The following LRP1B variants were observed in gnomAD, a reference collection of about 807,000 sequenced individuals.
LRP1B encodes low-density lipoprotein receptor-related protein 1B.
In LRP1B, 217 loss-of-function variants were observed where a neutral mutation model predicts 556.6. That is an observed-to-expected ratio of 0.39 (90% CI 0.35 to 0.44). The LOEUF is 0.44. Among genes scored for constraint, LRP1B ranks in the 20% least tolerant of loss-of-function variants. LRP1B has a pLI of 1.00. For missense variants in LRP1B, 5,053 were observed against 5,620.8 expected (o/e 0.90, Z 3.23); for synonymous variants, 2,047 against 1,865.8 (o/e 1.10, Z -2.50).
chr2:141,831,002 T>C (rs1337996918), intron 1 of LRP1B, among the ~76,000 whole-genome samples: 1 of 151,790 alleles, frequency 6.6e-6, no homozygotes, highest in Non-Finnish European at 1.5e-5. Flanking sequence ...GGAATGAATA[T>C]TAAAAGTTTG....
At chr2:140,807,274 T>C (rs960612850) in intron 32 of LRP1B, among the ~76,000 whole-genome samples, 2 of 152,200 alleles carry the variant, frequency 1.3e-5, no homozygotes, top group African/African-American at 4.8e-5. Context: ...TCGTTTAAAA[T>C]AATGTAGGAA....
intron 7 of LRP1B, among the ~76,000 whole-genome samples, chr2:141,133,781 G>T (rs1194860657): frequency 6.6e-6 from 1 of 151,880 alleles, no homozygotes; most frequent in East Asian, 1.9e-4. Flanking sequence ...TTAAAGAATG[G>T]ATAGATGAAT....
chr2:140,965,589 G>A (rs545517226), intron 18 of LRP1B, among the ~76,000 whole-genome samples: 2 of 151,938 alleles, frequency 1.3e-5, no homozygotes, highest in South Asian at 2.1e-4. Context: ...AAGTTCTAGG[G>A]TACATTTGCA....
chr2:140,335,364 T>C lies in LRP1B; in HGVS notation c.12116+251A>G, dbSNP rs143364609. Among the ~76,000 whole-genome samples, 486 of 151,996 alleles carry C rather than the reference T, an allele frequency of 3.2e-3. 1 individual carries two copies. The highest frequency in any genetic ancestry group is 0.011 in the African/African-American group (461 of 41,504). On this transcript the variant is annotated intron_variant, in intron 78 of 90. Coordinates refer to ENST00000389484, the MANE Select transcript of LRP1B (RefSeq NM_018557.3). ...ATTCTGCAATACACACATATAACCA[T>C]GCACAGACACACATACAGACACACA...
chr2:141,906,500 T>A (rs1699765307), intron 1 of LRP1B, among the ~76,000 whole-genome samples: 1 of 151,930 alleles, frequency 6.6e-6, no homozygotes. Context: ...AGCAAACAAG[T>A]TTTTTTATCT....
At chr2:140,849,862 A>T (rs1692403903) in intron 29 of LRP1B, among the ~76,000 whole-genome samples, 1 of 152,122 alleles carries the variant, frequency 6.6e-6, no homozygotes, top group Admixed American at 6.5e-5. Context: ...TTTTAAGGTG[A>T]TCTGTCCTGA....
In LRP1B at chr2:140,325,874, C is replaced by T; in HGVS notation, c.12228G>A (p.Leu4076=). ...VQKNLQRPTG[L]AVDYFSERIY... is the part of the protein sequence containing the mutation. The stretch of plus-strand genomic sequence containing the variant: ...TGCGTTCACTAAAATAATCCACAGC[C>T]AAACCTGCAAAATCAACACACACAA... The change falls in exon 80 of 91, where the codon TTG becomes TTA. Residue 4076 remains leucine (L), a synonymous_variant. Transcript: ENST00000389484. 1 of 1,596,126 alleles carries T rather than the reference C, an allele frequency of 6.3e-7. No homozygotes were observed. Among genetic ancestry groups the T allele is most frequent in the South Asian group, 1.1e-5 (1 of 90,378 alleles).
chr2:141,476,961 C>T (rs7340298), intron 3 of LRP1B, among the ~76,000 whole-genome samples: 77,565 of 151,534 alleles, frequency 0.51, 20,046 homozygotes, highest in Non-Finnish European at 0.55. Flanking sequence ...CCATTTCTAC[C>T]AAAAGTACAA....
At chr2:140,747,378 G>A (rs72925883) in intron 35 of LRP1B, among the ~76,000 whole-genome samples, 6 of 152,262 alleles carry the variant, frequency 3.9e-5, no homozygotes, top group African/African-American at 9.6e-5. Flanking sequence ...TCCAGCATGC[G>A]GATTCAATGT....
Position 140,534,051 on chromosome 2 carries a change from C to T in LRP1B, c.7732G>A (p.Gly2578Arg), listed in dbSNP as rs766923818. Residue 2578 changes from glycine to arginine, a missense_variant, in exon 47 of 91, where the codon GGA (glycine) becomes AGA (arginine). Physicochemically the swap from Gly to Arg is moderately radical, Grantham distance 125 (BLOSUM62 -2). Transcript: ENST00000389484. ...CAATCTAATTCATCAGAGTTGTCTC[C>T]GCAGTCATTTTCTCCATCACATAAC... ...GKLCDGENDC[G>R]DNSDELDCKV... 28 of 1,613,420 alleles carry T rather than the reference C, an allele frequency of 1.7e-5. 1 individual carries two copies. In the South Asian group the frequency reaches 1.9e-4, roughly 11 times the overall value.
intron 84 of LRP1B, among the ~76,000 whole-genome samples, chr2:140,294,966 T>G (rs2104994516): frequency 6.6e-6 from 1 of 152,210 alleles, no homozygotes; most frequent in East Asian, 1.9e-4. Flanking sequence ...AAGCTCCACC[T>G]CCTGGGTTCA....
chr2:141,134,963 A>G (rs1701454774), intron 7 of LRP1B, among the ~76,000 whole-genome samples: 1 of 151,760 alleles, frequency 6.6e-6, no homozygotes, highest in African/African-American at 2.4e-5. Context: ...TTCAGGGGTA[A>G]GATTAGGAAT....
At chr2:142,049,540 T>C (rs1351987847) in intron 1 of LRP1B, among the ~76,000 whole-genome samples, 1 of 152,122 alleles carries the variant, frequency 6.6e-6, no homozygotes, top group Non-Finnish European at 1.5e-5. Context: ...TACTGCGTTC[T>C]CCTTGAGGTA....
At chr2:141,379,883 AG>A in intron 3 of LRP1B, among the ~76,000 whole-genome samples, 1 of 152,300 alleles carries the variant, frequency 6.6e-6, no homozygotes, top group South Asian at 2.1e-4. Flanking sequence ...GATTAGACTG[AG>A]GATCCAATTC....
chr2:140,409,986 A>C (rs1228199576), intron 66 of LRP1B, among the ~76,000 whole-genome samples: 1 of 152,108 alleles, frequency 6.6e-6, no homozygotes, highest in Non-Finnish European at 1.5e-5. Context: ...GTAATTCAAA[A>C]ACATGGTTGC....
chr2:140,314,143 A>G (rs1270616522), intron 83 of LRP1B, among the ~76,000 whole-genome samples: 1 of 151,996 alleles, frequency 6.6e-6, no homozygotes, highest in Non-Finnish European at 1.5e-5. Flanking sequence ...AAAATAATAT[A>G]GAATTTTCCA....
Position 141,281,776 on chromosome 2 carries a change from T to C in LRP1B, c.344-27135A>G, listed in dbSNP as rs561595510. 9.2e-5 allele frequency among the ~76,000 whole-genome samples: 14 copies of C among 152,128 alleles called. No individual in the cohort carries two copies. The South Asian group carries it at 2.9e-3, about 32-fold the overall frequency. ...TTAAGTAAGAGTTAACAAGGCAGTATGGTATAGTAGTTAGAAACATAAGCT... is the reference window on the plus strand; with the variant it reads ...TTAAGTAAGAGTTAACAAGGCAGTACGGTATAGTAGTTAGAAACATAAGCT... On this transcript the variant is annotated intron_variant, in intron 3 of 90. Transcript: ENST00000389484.
intron 3 of LRP1B, among the ~76,000 whole-genome samples, chr2:141,360,609 C>T (rs1688788070): frequency 6.6e-6 from 1 of 152,170 alleles, no homozygotes; most frequent in African/African-American, 2.4e-5. Flanking sequence ...AACTGAACCA[C>T]TGTACTACCT....
At chr2:141,521,229 T>TG (rs1356235994) in intron 2 of LRP1B, among the ~76,000 whole-genome samples, 1 of 152,102 alleles carries the variant, frequency 6.6e-6, no homozygotes, top group African/African-American at 2.4e-5. Flanking sequence ...TTAAACCCTG[T>TG]GCTACACATA....
Sources: allele counts gnomAD v4.1 joint callset (sites outside exome capture counted in the v4.1 genomes callset), GRCh38; gene constraint gnomAD v4.1.1; transcripts MANE v1.5; gene names NCBI Gene and HGNC (gene_info 2026-07-23, HGNC 2026-07-21).